COL25A1: variants seen among roughly 807,000 people sequenced by gnomAD.
The protein encoded by COL25A1 is collagen alpha-1(XXV) chain.
In COL25A1, 103 loss-of-function variants were observed where a neutral mutation model predicts 128.4. That is an observed-to-expected ratio of 0.80 (90% CI 0.68 to 0.94). The LOEUF is 0.94. Among genes scored for constraint, COL25A1 ranks in the 40% least tolerant of loss-of-function variants. COL25A1 has a pLI of 0.00. For missense variants in COL25A1, 745 were observed against 840.0 expected, an observed-to-expected ratio of 0.89 and a Z score of 1.40; for synonymous variants, 279 against 277.2, an observed-to-expected ratio of 1.01 and a Z score of -0.06.
At chr4:109,296,489 C>A (rs961715816) in intron 3 of COL25A1, among the ~76,000 whole-genome samples, 9 of 151,998 alleles carry the variant, frequency 5.9e-5, no homozygotes, top group Admixed American at 5.2e-4. Flanking sequence ...AGGGAAGATA[C>A]CAAGTCTGCC....
intron 5 of COL25A1, among the ~76,000 whole-genome samples, chr4:109,047,261 G>T (rs1054640932): frequency 6.6e-5 from 10 of 152,170 alleles, no homozygotes; most frequent in African/African-American, 2.4e-4. Flanking sequence ...GTGTGAAATA[G>T]CTTGGAGATT....
At chr4:108,967,275 A>G (rs950345159) in intron 8 of COL25A1, among the ~76,000 whole-genome samples, 1 of 152,238 alleles carries the variant, frequency 6.6e-6, no homozygotes, top group Non-Finnish European at 1.5e-5. Context: ...TATTTCAAAC[A>G]CAGATATTTC....
intron 31 of COL25A1, among the ~76,000 whole-genome samples, chr4:108,834,664 A>T (rs1733563143): frequency 6.6e-6 from 1 of 152,198 alleles, no homozygotes; most frequent in Non-Finnish European, 1.5e-5. Context: ...CTGGGCTACA[A>T]AGTAGTTACT....
At chr4:109,189,839 A>G (rs1280831033) in intron 3 of COL25A1, among the ~76,000 whole-genome samples, 1 of 152,130 alleles carries the variant, frequency 6.6e-6, no homozygotes, top group African/African-American at 2.4e-5. Context: ...AGCCACTGAT[A>G]TTCTTTTTAA....
chr4:109,140,740 T>C (rs1430538074), intron 3 of COL25A1, among the ~76,000 whole-genome samples: 1 of 152,198 alleles, frequency 6.6e-6, no homozygotes, highest in Non-Finnish European at 1.5e-5. Context: ...TGTTTGCCTA[T>C]TATTGGTGTA....
intron 3 of COL25A1, among the ~76,000 whole-genome samples, chr4:109,271,824 T>C (rs1267139125): frequency 1.3e-5 from 2 of 152,214 alleles, no homozygotes; most frequent in African/African-American, 4.8e-5. Flanking sequence ...CTAAACTTTT[T>C]CAAAGAATTT....
chr4:108,957,059 C>G (rs1578886345), intron 8 of COL25A1, among the ~76,000 whole-genome samples: 1 of 152,126 alleles, frequency 6.6e-6, no homozygotes, highest in African/African-American at 2.4e-5. Context: ...AATGTTATTT[C>G]AAGCTCATCT....
At chr4:108,966,013 G>A (rs936406221) in intron 8 of COL25A1, among the ~76,000 whole-genome samples, 1 of 152,168 alleles carries the variant, frequency 6.6e-6, no homozygotes, top group Non-Finnish European at 1.5e-5. Flanking sequence ...TAAGACTGGT[G>A]TGATAATATA....
chr4:109,093,079 TTCC>T lies in COL25A1; in HGVS notation c.368-42903_368-42901del, dbSNP rs33970998. Among the ~76,000 whole-genome samples the T allele has an allele frequency of 9.2e-3, 1,402 of 152,218 alleles. 22 individuals carry two copies. Among genetic ancestry groups the T allele is most frequent in the African/African-American group, 0.032 (1,324 of 41,528 alleles). Reference sequence around the variant, plus strand: ...AGGTTATACTGAACACTGGCCAGATTTCCTACTCCAGGCCAGAACAAAACAAGA... The same window carrying T: ...AGGTTATACTGAACACTGGCCAGATTTACTCCAGGCCAGAACAAAACAAGA... On this transcript the variant is annotated intron_variant, in intron 3 of 37. Transcript: ENST00000399132.
At chr4:109,192,869 A>C (rs1775732029) in intron 3 of COL25A1, among the ~76,000 whole-genome samples, 1 of 152,010 alleles carries the variant, frequency 6.6e-6, no homozygotes, top group Non-Finnish European at 1.5e-5. Context: ...TAAAAAAAAA[A>C]AAGAAAAGGG....
intron 8 of COL25A1, among the ~76,000 whole-genome samples, chr4:108,961,345 A>G (rs1381830168): frequency 3.9e-5 from 6 of 152,238 alleles, no homozygotes; most frequent in Non-Finnish European, 7.3e-5. Flanking sequence ...ATACGTTCAC[A>G]CACTAGCATA....
intron 11 of COL25A1, among the ~76,000 whole-genome samples, chr4:108,934,034 C>A (rs1189421014): frequency 1.3e-5 from 2 of 152,102 alleles, no homozygotes; most frequent in Non-Finnish European, 2.9e-5. Flanking sequence ...CACATACACA[C>A]GTATATTTAT....
At chr4:109,077,598 T>A (rs1019757142) in intron 3 of COL25A1, among the ~76,000 whole-genome samples, 1 of 152,184 alleles carries the variant, frequency 6.6e-6, no homozygotes, top group Non-Finnish European at 1.5e-5. Flanking sequence ...AGAAGCCCAA[T>A]GAACACCAGC....
chr4:108,870,450 A>G (rs537166484), intron 19 of COL25A1, among the ~76,000 whole-genome samples: 1 of 151,494 alleles, frequency 6.6e-6, no homozygotes, highest in East Asian at 1.9e-4. Context: ...GATCTAAGAA[A>G]AAAAAAAAAA....
At chr4:109,119,084 A>T (rs1348208948) in intron 3 of COL25A1, among the ~76,000 whole-genome samples, 2 of 152,058 alleles carry the variant, frequency 1.3e-5, no homozygotes, top group Non-Finnish European at 2.9e-5. Flanking sequence ...ATACTTAGAG[A>T]TTAAACAATA....
chr4:109,027,375 C>CG (rs1209409390), intron 5 of COL25A1, among the ~76,000 whole-genome samples: 1 of 151,954 alleles, frequency 6.6e-6, no homozygotes, highest in Non-Finnish European at 1.5e-5. Flanking sequence ...ACTGACAGTG[C>CG]GTCTGGACTA....
At chr4:109,266,174 C>T (rs1401720553) in intron 3 of COL25A1, among the ~76,000 whole-genome samples, 1 of 152,068 alleles carries the variant, frequency 6.6e-6, no homozygotes, top group Non-Finnish European at 1.5e-5. Context: ...GCTCATTTAT[C>T]CTGTCTATTA....
At chr4:108,866,761 C>T (rs1311715031) in intron 20 of COL25A1, among the ~76,000 whole-genome samples, 2 of 152,144 alleles carry the variant, frequency 1.3e-5, no homozygotes, top group Non-Finnish European at 2.9e-5. Context: ...ACTGAACCAA[C>T]CATAACATTG....
intron 6 of COL25A1, among the ~76,000 whole-genome samples, chr4:108,981,095 G>A (rs1578967125): frequency 6.6e-6 from 1 of 152,114 alleles, no homozygotes; most frequent in East Asian, 1.9e-4. Flanking sequence ...TTCTTAACAG[G>A]TCTCTAAAAC....
Sources: gnomAD v4.1 joint callset for allele counts (sites outside exome capture counted in the v4.1 genomes callset) on GRCh38, gnomAD v4.1.1 for gene constraint, MANE v1.5 for transcripts, NCBI Gene and HGNC (gene_info 2026-07-23, HGNC 2026-07-21) for gene names.